The following GRAMD1B variants were observed in gnomAD, a reference collection of about 807,000 sequenced individuals.
GRAMD1B encodes the protein GRAM domain containing 1B.
GRAMD1B carries 37 observed loss-of-function variants against 99.7 expected under a neutral mutation model. That is an observed-to-expected ratio of 0.37 (90% confidence interval 0.29 to 0.49). The LOEUF is 0.49. Among genes scored for constraint, GRAMD1B ranks in the 20% least tolerant of loss-of-function variants. The pLI is 0.98. For missense variants in GRAMD1B, 888 were observed against 1,009.2 expected (o/e 0.88, Z 1.63); for synonymous variants, 427 against 387.6 (o/e 1.10, Z -1.19).
rs1229158101 is a variant in GRAMD1B at position 123,610,038 on chromosome 11, GT to G, written c.1776+126del. 1 of 840,698 alleles carries G rather than the reference GT, an allele frequency of 1.2e-6. No homozygotes were observed. The highest frequency in any genetic ancestry group is 1.9e-6 in the Non-Finnish European group (1 of 515,180). The allele number at this position is 840,698 out of a possible 1,614,324, so 52.1% of individuals were successfully genotyped here. A position where few individuals can be genotyped will look rare whatever the true frequency, so the allele number is the denominator to read the frequency against. ...AGTGTCATTTTGCCCCAAAGCGGTG[GT>G]GGCGTCTTGCTTGTTTAGTTGCTGC... On this transcript the variant is annotated intron_variant, in intron 13 of 19. Transcript: ENST00000635736. This position sits in a 1 kb window ranked among gnomAD's most constrained non-coding sequence, Gnocchi z 4.1.
At chr11:123,581,833 C>T (rs1486672675) in intron 3 of GRAMD1B, among the ~76,000 whole-genome samples, 1 of 152,230 alleles carries the variant, frequency 6.6e-6, no homozygotes, top group Non-Finnish European at 1.5e-5. Flanking sequence ...CACTTTGTTC[C>T]ACATAGATTT....
chr11:123,428,568 C>T (rs546622721), upstream of GRAMD1B, among the ~76,000 whole-genome samples: 21 of 152,226 alleles, frequency 1.4e-4, no homozygotes, highest in Non-Finnish European at 2.6e-4. Context: ...TTCCCAGCCT[C>T]TCAAAAGTTG....
intron 4 of GRAMD1B, among the ~76,000 whole-genome samples, chr11:123,584,725 GA>G (rs759085076): frequency 2.0e-5 from 3 of 152,134 alleles, no homozygotes; most frequent in Non-Finnish European, 4.4e-5. Flanking sequence ...AATGCAGCGA[GA>G]AAACTTTCCC....
chr11:123,368,794 G>C (rs1162224990), intron 1 of GRAMD1B, among the ~76,000 whole-genome samples: 1 of 151,978 alleles, frequency 6.6e-6, no homozygotes, highest in African/African-American at 2.4e-5. Flanking sequence ...TGAAGATTTG[G>C]GGTTTCATTC....
intron 19 of GRAMD1B, among the ~76,000 whole-genome samples, chr11:123,620,124 C>T (rs188516465): frequency 2.0e-5 from 3 of 152,212 alleles, no homozygotes; most frequent in East Asian, 3.9e-4. Context: ...GCCATGTGGG[C>T]GGTGCTCATT....
At chr11:123,435,889 C>A (rs1286083782) in intron 1 of GRAMD1B, among the ~76,000 whole-genome samples, 1 of 151,456 alleles carries the variant, frequency 6.6e-6, no homozygotes, top group Non-Finnish European at 1.5e-5. Flanking sequence ...ACAACCATCA[C>A]CACAGTCAGT....
chr11:123,385,728 T>C (rs565181758), intron 1 of GRAMD1B, among the ~76,000 whole-genome samples: 1 of 152,214 alleles, frequency 6.6e-6, no homozygotes, highest in Non-Finnish European at 1.5e-5. Flanking sequence ...GCAGGGACCA[T>C]GGCATATCCA....
intron 1 of GRAMD1B, among the ~76,000 whole-genome samples, chr11:123,383,039 T>G (rs1195569505): frequency 6.6e-6 from 1 of 152,194 alleles, no homozygotes; most frequent in African/African-American, 2.4e-5. Context: ...GATGGGGCTG[T>G]GGGGCTGTGT....
At chr11:123,473,094 C>T (rs1400448068) in intron 1 of GRAMD1B, among the ~76,000 whole-genome samples, 2 of 145,756 alleles carry the variant, frequency 1.4e-5, no homozygotes, top group South Asian at 2.1e-4. Flanking sequence ...GACGAAGTCT[C>T]GCTCTTGTCC....
Position 123,591,421 on chromosome 11 carries a change from C to G in GRAMD1B, c.685-2661C>G. 2.5e-6 allele frequency: 1 copy of G among 399,104 alleles called. No individual in the cohort carries two copies. The highest frequency in any genetic ancestry group is 4.4e-6 in the Non-Finnish European group (1 of 226,122). The allele number at this position is 399,104 out of a possible 1,614,324, so 24.7% of individuals were successfully genotyped here. A position where few individuals can be genotyped will look rare whatever the true frequency, so the allele number is the denominator to read the frequency against. ...TGGAATCACTGACGGAGTCGGGGGT[C>G]CTCTGGAGCCTTCTGCTGGAGCAGG... On this transcript the variant is annotated intron_variant, in intron 4 of 19. Coordinates refer to ENST00000635736, the MANE Select transcript of GRAMD1B (RefSeq NM_001387025.1). The surrounding 1 kb of genome is among the most constrained non-coding windows in gnomAD (Gnocchi z 4.7).
intron 1 of GRAMD1B, among the ~76,000 whole-genome samples, chr11:123,413,087 T>A (rs2714061): frequency 3.9e-5 from 6 of 152,126 alleles, no homozygotes; most frequent in African/African-American, 1.2e-4. Flanking sequence ...CAGCCTGCAC[T>A]CTCTTTTTTA....
intron 1 of GRAMD1B, among the ~76,000 whole-genome samples, chr11:123,461,027 G>A (rs1161218812): frequency 6.6e-6 from 1 of 152,140 alleles, no homozygotes; most frequent in Non-Finnish European, 1.5e-5. Flanking sequence ...TTTTTAAGAG[G>A]TTTGGCTTGT....
At chr11:123,446,400 G>A (rs1485397395) in intron 1 of GRAMD1B, among the ~76,000 whole-genome samples, 5 of 151,820 alleles carry the variant, frequency 3.3e-5, no homozygotes, top group African/African-American at 4.8e-5. Context: ...TCCTGACCTC[G>A]AGTGATCCAC....
chr11:123,403,762 T>C (rs1947757050), intron 1 of GRAMD1B, among the ~76,000 whole-genome samples: 1 of 151,980 alleles, frequency 6.6e-6, no homozygotes, highest in Admixed American at 6.6e-5. Flanking sequence ...GAGGCTAGTC[T>C]CGAACTCCTG....
intron 1 of GRAMD1B, among the ~76,000 whole-genome samples, chr11:123,475,181 A>C (rs1951205993): frequency 6.6e-6 from 1 of 152,072 alleles, no homozygotes; most frequent in East Asian, 1.9e-4. Context: ...GGGAGGGAGG[A>C]AGGGAGATCA....
intron 2 of GRAMD1B, among the ~76,000 whole-genome samples, chr11:123,503,902 T>C (rs1940154088): frequency 6.6e-6 from 1 of 152,212 alleles, no homozygotes; most frequent in Non-Finnish European, 1.5e-5. Flanking sequence ...CATTTTTCTA[T>C]GAAATAGTAT....
intron 2 of GRAMD1B, among the ~76,000 whole-genome samples, chr11:123,532,203 A>G (rs1308567235): frequency 6.6e-6 from 1 of 152,154 alleles, no homozygotes; most frequent in African/African-American, 2.4e-5. Context: ...GGCTCTGGAA[A>G]ACTCTCCAGG....
chr11:123,376,310 G>A (rs1946689220), intron 1 of GRAMD1B, among the ~76,000 whole-genome samples: 1 of 152,128 alleles, frequency 6.6e-6, no homozygotes. Context: ...TAATCAGATG[G>A]TGTGTACAGT....
intron 8 of GRAMD1B, 116 bp downstream of exon 8, chr11:123,600,664 C>A: frequency 1.6e-6 from 1 of 634,338 alleles, no homozygotes; most frequent in Non-Finnish European, 2.8e-6. Flanking sequence ...ATGGTATTGG[C>A]CTGAGTCCTG....
Sources: allele counts gnomAD v4.1 joint callset (sites outside exome capture counted in the v4.1 genomes callset), GRCh38; gene constraint gnomAD v4.1.1; non-coding constraint Gnocchi (gnomAD v3.1); transcripts MANE v1.5; gene names NCBI Gene and HGNC (gene_info 2026-07-23, HGNC 2026-07-21).